The following ABCC3 variants were observed in gnomAD, a reference collection of about 807,000 sequenced individuals.
ABCC3 encodes ATP-binding cassette sub-family C member 3.
ABCC3 carries 121 observed loss-of-function variants against 165.3 expected under a neutral mutation model. That is an observed-to-expected ratio of 0.73 (90% CI 0.63 to 0.85). The LOEUF (loss-of-function observed/expected upper bound fraction) is 0.85, where lower values mean the gene tolerates loss of function less well. ABCC3 is among the 40% of genes least tolerant of loss of function. The pLI is 0.00. For synonymous variants in ABCC3, 733 were observed against 810.1 expected (o/e 0.90, Z 1.62); for missense variants, 1,869 against 1,964.1 (o/e 0.95, Z 0.92).
intron 29 of ABCC3, among the ~76,000 whole-genome samples, chr17:50,685,556 T>A (rs969403615): frequency 7.2e-5 from 11 of 152,100 alleles, no homozygotes; most frequent in African/African-American, 2.7e-4. Flanking sequence ...TTTAGCCCAA[T>A]ATATCTAAAA....
At chr17:50,683,494 G>A in intron 26 of ABCC3, 116 bp from the exon 27 acceptor site, 1 of 1,216,640 alleles carries the variant, frequency 8.2e-7, no homozygotes, top group Non-Finnish European at 1.1e-6. Flanking sequence ...GGGTGCCAAG[G>A]ACCCTCCCAG....
At chr17:50,668,808 T>C (rs1411068760) in intron 14 of ABCC3, 45 bp from the exon 15 acceptor site, 2 of 1,525,598 alleles carry the variant, frequency 1.3e-6, no homozygotes, top group East Asian at 2.3e-5. Flanking sequence ...GGCTACCCCA[T>C]CCCTTGAGCT....
chr17:50,677,965 T>C, intron 24 of ABCC3, 22 bp downstream of exon 24: 1 of 1,614,076 alleles, frequency 6.2e-7, no homozygotes, highest in Non-Finnish European at 8.5e-7. Flanking sequence ...CCTCCCTCGC[T>C]CCCTGCTCCT....
chr17:50,658,609 C>A (rs911665125), intron 6 of ABCC3, 113 bp downstream of exon 6: 30 of 1,189,268 alleles, frequency 2.5e-5, no homozygotes, highest in Non-Finnish European at 3.7e-5. Flanking sequence ...CTATCCCACC[C>A]CCCACCGCAG....
chr17:50,661,703 C>T (rs140430056), intron 8 of ABCC3, among the ~76,000 whole-genome samples: 1 of 152,122 alleles, frequency 6.6e-6, no homozygotes, highest in East Asian at 1.9e-4. Flanking sequence ...GAATGGTGCT[C>T]GATACTAGGG....
rs750695373 is a variant in ABCC3 at position 50,683,647 on chromosome 17, G to A, written c.3845G>A (p.Gly1282Asp). 4 of 1,599,712 alleles carry A rather than the reference G, an allele frequency of 2.5e-6. No individual in the cohort carries two copies. In the African/African-American group the frequency reaches 4.0e-5, roughly 16 times the overall value. The change falls in exon 27 of 31, where the codon GGT (glycine) becomes GAT (aspartate). Residue 1282 changes from glycine (G) to aspartate (D), a missense_variant. Gly to Asp is a moderately conservative substitution (Grantham distance 94). Transcript: ENST00000285238. ...WVVEGSRPPE[G>D]WPPRGEVEFR... is the part of the protein sequence containing the mutation. ...GTGGAAGGCAGCCGCCCTCCCGAAG[G>A]TTGGCCCCCACGTGGGGAGGTGGAG...
intron 11 of ABCC3, 26 bp downstream of exon 11, chr17:50,665,271 C>G (rs1967498211): frequency 1.9e-6 from 3 of 1,610,618 alleles, no homozygotes; most frequent in Admixed American, 1.7e-5. Context: ...GGTGCATCCT[C>G]CTGCCTGCAG....
intron 1 of ABCC3, chr17:50,635,424 G>A: frequency 1.4e-6 from 1 of 699,720 alleles, no homozygotes; most frequent in Non-Finnish European, 2.6e-6. Context: ...ATTGCCCCCA[G>A]GGCATCCAGA....
rs760337449 is a variant in ABCC3 at position 50,678,117 on chromosome 17, C to T, written c.3603C>T (p.Phe1201=). 13 of 1,593,598 alleles carry T rather than the reference C, an allele frequency of 8.2e-6. No individual in the cohort carries two copies. Among genetic ancestry groups the T allele is most frequent in the African/African-American group, 2.7e-5 (2 of 74,326 alleles). ...SNRWLSIGVE[F]VGNCVVLFAA... ...GGTGGCTGAGCATCGGAGTGGAGTT[C>T]GTGGGGAACTGCGTGGTGCTCTTTG... is the stretch of plus-strand genomic sequence containing the variant. The change falls in exon 25 of 31, where the codon TTC becomes TTT. Residue 1201 remains phenylalanine, a synonymous_variant. Coordinates refer to ENST00000285238, the MANE Select transcript of ABCC3 (RefSeq NM_003786.4).
Position 50,664,510 on chromosome 17 carries a change from C to T in ABCC3, c.1338+399C>T, listed in dbSNP as rs1173863379. The T allele has an allele frequency of 4.5e-5, 10 of 224,708 alleles. No homozygotes were observed. In the East Asian group the frequency reaches 1.2e-3, roughly 26 times the overall value. 13.9% of individuals were successfully genotyped at this position (224,708 alleles called of 1,614,324 possible). A position where few individuals can be genotyped will look rare whatever the true frequency, so the allele number is the denominator to read the frequency against. ...ACGAGGTCAGGAGTTCGAGACCAGCCCGGCCAGGATGGTGAAACCCCATCT... is the reference window on the plus strand; with the variant it reads ...ACGAGGTCAGGAGTTCGAGACCAGCTCGGCCAGGATGGTGAAACCCCATCT... On this transcript the variant is annotated intron_variant, in intron 10 of 30. Transcript: ENST00000285238.
At chr17:50,658,815 A>G (rs190273773) in intron 6 of ABCC3, among the ~76,000 whole-genome samples, 7 of 152,358 alleles carry the variant, frequency 4.6e-5, no homozygotes, top group African/African-American at 4.8e-5. Context: ...GCAGCCTGTC[A>G]TCTCCTTGGC....
Position 50,644,310 on chromosome 17 carries a change from CAAAAAAAAA to C in ABCC3, c.45+9343_45+9351del, listed in dbSNP as rs57937379. Among the ~76,000 whole-genome samples the C allele has an allele frequency of 1.4e-4, 7 of 51,264 alleles. No homozygotes were observed. The East Asian group carries it at 2.1e-3, about 16-fold the overall frequency. 33.6% of individuals were successfully genotyped at this position (51,264 alleles called of 152,430 possible). ...TGGGTGACAGAGCCAGACTCCGTCT[CAAAAAAAAA>C]AAAAAAAAAAAAAGGAAGAAGGGAA... On this transcript the variant is annotated intron_variant, in intron 1 of 30. Coordinates refer to ENST00000285238, the MANE Select transcript of ABCC3 (RefSeq NM_003786.4).
At chr17:50,672,107 G>T (rs541423975) in intron 17 of ABCC3, among the ~76,000 whole-genome samples, 6 of 152,178 alleles carry the variant, frequency 3.9e-5, no homozygotes, top group African/African-American at 9.6e-5. Context: ...TCCATAAATG[G>T]ATCAACCATT....
At chr17:50,647,801 G>T (rs1967031066) in intron 1 of ABCC3, among the ~76,000 whole-genome samples, 1 of 152,210 alleles carries the variant, frequency 6.6e-6, no homozygotes, top group Non-Finnish European at 1.5e-5. Context: ...ACTTTGGGAG[G>T]CCAAGGCGGG....
intron 1 of ABCC3, chr17:50,635,349 C>G (rs939118377): frequency 1.6e-6 from 1 of 629,770 alleles, no homozygotes. Context: ...GCCGCGGGTT[C>G]CTGATGGAGG....
intron 1 of ABCC3, among the ~76,000 whole-genome samples, chr17:50,648,042 G>GA (rs56275418): frequency 2.1e-3 from 302 of 145,796 alleles, no homozygotes; most frequent in African/African-American, 6.0e-3. Context: ...CTGCCCAAAA[G>GA]AAAAAAAAAA....
intron 6 of ABCC3, among the ~76,000 whole-genome samples, chr17:50,658,747 C>A (rs538892915): frequency 5.4e-4 from 83 of 152,344 alleles, no homozygotes; most frequent in African/African-American, 1.9e-3. Flanking sequence ...GGGGACAGGC[C>A]CAGGAGGCTG....
intron 19 of ABCC3, among the ~76,000 whole-genome samples, chr17:50,673,916 C>CTT (rs1227296466): frequency 6.9e-4 from 9 of 12,982 alleles, no homozygotes; most frequent in African/African-American, 2.8e-3. Context: ...TTCTTTCTTT[C>CTT]TTTCTTTCTT....
At chr17:50,639,654 C>T (rs931426302) in intron 1 of ABCC3, among the ~76,000 whole-genome samples, 6 of 152,148 alleles carry the variant, frequency 3.9e-5, no homozygotes, top group Admixed American at 6.5e-5. Flanking sequence ...CTCCCCTTCC[C>T]GAACTGAAGT....
Sources: gnomAD v4.1 joint callset for allele counts (sites outside exome capture counted in the v4.1 genomes callset) on GRCh38, gnomAD v4.1.1 for gene constraint, MANE v1.5 for transcripts, NCBI Gene and HGNC (gene_info 2026-07-23, HGNC 2026-07-21) for gene names.